Variants in OOSP4B observed in about 807,000 individuals in gnomAD.
OOSP4B encodes the protein oocyte secreted protein family member 4B.
chr11:60,018,901 G>C (rs1007112244), intron 1 of OOSP4B, among the ~76,000 whole-genome samples: 1 of 152,132 alleles, frequency 6.6e-6, no homozygotes, highest in African/African-American at 2.4e-5. Context: ...GGGAAACTTA[G>C]GGAGTAAAAT....
chr11:60,021,104 CAT>C (rs1465149893), intron 1 of OOSP4B, among the ~76,000 whole-genome samples: 3 of 152,228 alleles, frequency 2.0e-5, no homozygotes, highest in Non-Finnish European at 4.4e-5. Context: ...CTTCTCTTCA[CAT>C]GTTTTTACCT....
intron 3 of OOSP4B, among the ~76,000 whole-genome samples, chr11:60,028,369 T>A (rs1344561542): frequency 6.6e-6 from 1 of 152,052 alleles, no homozygotes. Context: ...TTTCACCATG[T>A]TGGCCAGGCT....
chr11:60,019,783 C>T (rs186432027), intron 1 of OOSP4B, among the ~76,000 whole-genome samples: 1 of 152,192 alleles, frequency 6.6e-6, no homozygotes, highest in Non-Finnish European at 1.5e-5. Context: ...GGAAGGAGAC[C>T]CCCAACGGGT....
In OOSP4B at chr11:60,019,108, G is replaced by A. The variant is rs142607405; in HGVS notation, c.22+1695G>A. Among the ~76,000 whole-genome samples, 242 of 152,020 alleles carry A rather than the reference G, an allele frequency of 1.6e-3. 1 individual carries two copies. The highest frequency in any genetic ancestry group is 5.7e-3 in the African/African-American group (235 of 41,462). ...CATGGTGGTGCGTGCCTGTAATCCCGACTACTCAGGAGGCTGAGGCAGGAG... is the reference window on the plus strand; with the variant it reads ...CATGGTGGTGCGTGCCTGTAATCCCAACTACTCAGGAGGCTGAGGCAGGAG... On this transcript the variant is annotated intron_variant, in intron 1 of 4. Transcript: ENST00000642343.
chr11:60,030,496 C>T (rs1039311782), intron 4 of OOSP4B, among the ~76,000 whole-genome samples: 11 of 152,022 alleles, frequency 7.2e-5, no homozygotes, highest in African/African-American at 2.7e-4. Context: ...AAGAAATAAG[C>T]TTTGTTCTAG....
intron 1 of OOSP4B, chr11:60,022,184 A>C (rs1854697869): frequency 6.6e-6 from 1 of 152,138 alleles, no homozygotes; most frequent in African/African-American, 2.4e-5. Flanking sequence ...TATCCTTGGG[A>C]TACAAACAGA....
chr11:60,020,272 T>C (rs2134622515), intron 1 of OOSP4B, among the ~76,000 whole-genome samples: 1 of 152,112 alleles, frequency 6.6e-6, no homozygotes, highest in South Asian at 2.1e-4. Flanking sequence ...CCTCAGCCCT[T>C]GGATGGTGGA....
chr11:60,029,592 T>C (rs1256786729), intron 3 of OOSP4B, among the ~76,000 whole-genome samples, 190 bp from the exon 4 acceptor site: 2 of 152,206 alleles, frequency 1.3e-5, no homozygotes, highest in Admixed American at 1.3e-4. Flanking sequence ...TCTGGATCAA[T>C]AAGTACCATC....
exon 3 of OOSP4B, chr11:60,024,959 AGGTTGCATACTACCTATGAAT>A (rs1854732390): frequency 2.5e-6 from 1 of 398,290 alleles, no homozygotes; most frequent in African/African-American, 2.1e-5. Context: ...TTACAAACCA[AGGTTGCATACTACCTATGAAT>A]TTCCAGTGGT....
intron 3 of OOSP4B, among the ~76,000 whole-genome samples, chr11:60,027,655 TAAAAAA>T (rs61649958): frequency 0.021 from 1,308 of 62,232 alleles, 46 homozygotes; most frequent in African/African-American, 0.056. Context: ...GCTATGATAT[TAAAAAA>T]AAAAAAAAAA....
chr11:60,029,219 A>G (rs1269162808), intron 3 of OOSP4B, among the ~76,000 whole-genome samples: 6 of 152,158 alleles, frequency 3.9e-5, no homozygotes, highest in Non-Finnish European at 8.8e-5. Context: ...GAGACGAGCA[A>G]ACCACATTCC....
intron 1 of OOSP4B, 83 bp from the exon 2 acceptor site, chr11:60,023,797 A>G: frequency 2.5e-6 from 1 of 397,428 alleles, no homozygotes; most frequent in Non-Finnish European, 4.4e-6. Context: ...AGCTTGTGTT[A>G]TATTTGTCTG....
intron 1 of OOSP4B, among the ~76,000 whole-genome samples, chr11:60,017,644 C>T (rs1565047117): frequency 6.6e-6 from 1 of 152,076 alleles, no homozygotes; most frequent in Non-Finnish European, 1.5e-5. Flanking sequence ...GTCACATAAA[C>T]TGTGCTCAGT....
intron 2 of OOSP4B, among the ~76,000 whole-genome samples, chr11:60,024,516 G>T (rs190312895): frequency 6.6e-6 from 1 of 152,252 alleles, no homozygotes; most frequent in East Asian, 1.9e-4. Flanking sequence ...CTCCAGCCTG[G>T]GTGATAAGTG....
intron 1 of OOSP4B, among the ~76,000 whole-genome samples, chr11:60,018,136 T>G (rs1278567480): frequency 6.6e-6 from 1 of 152,202 alleles, no homozygotes; most frequent in Non-Finnish European, 1.5e-5. Flanking sequence ...AATGAGAGAA[T>G]AGTTGTTTGG....
chr11:60,019,783 C>A (rs186432027), intron 1 of OOSP4B, among the ~76,000 whole-genome samples: 10 of 152,310 alleles, frequency 6.6e-5, no homozygotes, highest in Non-Finnish European at 1.5e-4. Flanking sequence ...GGAAGGAGAC[C>A]CCCAACGGGT....
At chr11:60,027,471 T>C (rs1396681326) in intron 3 of OOSP4B, among the ~76,000 whole-genome samples, 1 of 151,848 alleles carries the variant, frequency 6.6e-6, no homozygotes, top group East Asian at 1.9e-4. Context: ...ATGTTTGTTC[T>C]TCCAGCCCCC....
exon 2 of OOSP4B, chr11:60,024,057 A>G (rs1854721246): frequency 2.5e-6 from 1 of 398,586 alleles, no homozygotes. Context: ...GGGATCAAGA[A>G]AATTGTAAGT....
chr11:60,019,201 C>T (rs1368596445), intron 1 of OOSP4B, among the ~76,000 whole-genome samples: 4 of 151,380 alleles, frequency 2.6e-5, no homozygotes, highest in South Asian at 2.1e-4. Context: ...CAAGCCTGGG[C>T]GACAGAGCGA....
Sources: gnomAD v4.1 joint callset for allele counts (sites outside exome capture counted in the v4.1 genomes callset) on GRCh38, gnomAD v4.1.1 for gene constraint, MANE v1.5 for transcripts, NCBI Gene and HGNC (gene_info 2026-07-23, HGNC 2026-07-21) for gene names.